The following OR9I1 variants were observed in gnomAD, a reference collection of about 807,000 sequenced individuals.
The protein encoded by OR9I1 is olfactory receptor family 9 subfamily I member 1.
OR9I1 carries 7 observed loss-of-function variants against 11.2 expected under a neutral mutation model. The observed-to-expected ratio is 0.62, with a 90% CI of 0.36 to 1.17. The LOEUF is 1.17. Among genes scored for constraint, OR9I1 ranks in the 50% most tolerant of loss-of-function variants. OR9I1 has a pLI of 0.02. For synonymous variants in OR9I1, 165 were observed against 153.4 expected, an observed-to-expected ratio of 1.08 and a Z score of -0.56; for missense variants, 428 against 377.2, an observed-to-expected ratio of 1.13 and a Z score of -1.12.
At chr11:58,123,216 T>C (rs1854053205) in intron 2 of OR9I1, among the ~76,000 whole-genome samples, 1 of 152,218 alleles carries the variant, frequency 6.6e-6, no homozygotes. Context: ...CTTTCAGCTA[T>C]AAATTTGTTT....
At chr11:58,119,719 G>T (rs1565081803) in intron 2 of OR9I1, among the ~76,000 whole-genome samples, 1 of 152,112 alleles carries the variant, frequency 6.6e-6, no homozygotes, top group African/African-American at 2.4e-5. Flanking sequence ...CAATTCTTAG[G>T]TTTGGAAGAG....
At chr11:58,119,505 A>G (rs1483315663) in intron 2 of OR9I1, 39 bp from the exon 3 acceptor site, 4 of 1,136,728 alleles carry the variant, frequency 3.5e-6, no homozygotes, top group South Asian at 1.5e-5. Flanking sequence ...CTCAGAATTG[A>G]AGGACAGAAT....
At chr11:58,120,803 C>CATATAT (rs61634454) in intron 2 of OR9I1, among the ~76,000 whole-genome samples, 5,571 of 132,482 alleles carry the variant, frequency 0.042, 214 homozygotes, top group East Asian at 0.089. Flanking sequence ...ATTTCAATAC[C>CATATAT]ATATATATAT....
rs1299582891 is a variant in OR9I1 at position 58,120,585 on chromosome 11, A to G, written c.-22-1119T>C. Among the ~76,000 whole-genome samples, 17 of 151,994 alleles carry G rather than the reference A, an allele frequency of 1.1e-4. No individual in the cohort carries two copies. The East Asian group carries it at 3.3e-3, about 29-fold the overall frequency. Reference sequence around the variant, plus strand: ...GCAGTATACACTGAACTCAATTTGTAGCCTTTTAAGTATTAATAAGTTAAT... The same window carrying G: ...GCAGTATACACTGAACTCAATTTGTGGCCTTTTAAGTATTAATAAGTTAAT... On this transcript the variant is annotated intron_variant, in intron 2 of 2. Transcript: ENST00000641439.
In OR9I1 at chr11:58,119,006, CT is replaced by C. The variant is rs771314912; in HGVS notation, c.438del (p.Gly147GlufsTer28). ...CCTGACACCCCACAGACATAGGCTCCTACCACCAGGCTCCAGCAGAGCCTGG... is the reference window on the plus strand; with the variant it reads ...CCTGACACCCCACAGACATAGGCTCCACCACCAGGCTCCAGCAGAGCCTGG... ...MNPRLCWSLVVGAYVCGVSGA... is the reference protein window; with the variant it reads ...MNPRLCWSLVXGAYVCGVSGA... On this transcript the variant is annotated frameshift_variant, in exon 3 of 3. Transcript: ENST00000641439. LOFTEE classifies it high-confidence loss of function. 2.3e-4 allele frequency: 370 copies of C among 1,613,814 alleles called. No individual in the cohort carries two copies. The highest frequency in any genetic ancestry group is 3.0e-4 in the Non-Finnish European group (351 of 1,179,990).
Position 58,118,446 on chromosome 11 carries a change from A to T in OR9I1, c.*54T>A. On this transcript the variant is annotated 3_prime_UTR_variant, in exon 3 of 3. Coordinates refer to ENST00000641439, the MANE Select transcript of OR9I1 (RefSeq NM_001005211.2). ...GCATATAGTAATGGTGCCTATTAGG[A>T]TATATTCATATGGGAAGAAAGTGGA... 8.5e-7 allele frequency: 1 copy of T among 1,172,670 alleles called. No homozygotes were observed. The highest frequency in any genetic ancestry group is 1.2e-6 in the Non-Finnish European group (1 of 821,112). The allele number at this position is 1,172,670 out of a possible 1,614,324, so 72.6% of individuals were successfully genotyped here. A position where few individuals can be genotyped will look rare whatever the true frequency, so the allele number is the denominator to read the frequency against.
At position 58,117,028 on chromosome 11, in the gene OR9I1, A is replaced by G. The variant is rs1853962128; in HGVS notation, c.*1472T>C. On this transcript the variant is annotated 3_prime_UTR_variant, in exon 3 of 3. Transcript: ENST00000641439. ...TTGAGTTATACATCTTCCTCAGTTC[A>G]TTGCTTTCATTGACTTTTATCATCA... 6.6e-6 allele frequency: 1 copy of G among 152,078 alleles called. No homozygotes were observed. The highest frequency in any genetic ancestry group is 2.4e-5 in the African/African-American group (1 of 41,388). The allele number at this position is 152,078 out of a possible 1,614,324, so 9.4% of individuals were successfully genotyped here. A position where few individuals can be genotyped will look rare whatever the true frequency, so the allele number is the denominator to read the frequency against.
At chr11:58,123,302 T>A (rs1854054472) in intron 2 of OR9I1, among the ~76,000 whole-genome samples, 1 of 152,198 alleles carries the variant, frequency 6.6e-6, no homozygotes, top group South Asian at 2.1e-4. Context: ...AATCAGAGCT[T>A]TTTTACCTTC....
intron 2 of OR9I1, among the ~76,000 whole-genome samples, chr11:58,123,335 A>G (rs902701006): frequency 1.3e-5 from 2 of 152,174 alleles, no homozygotes; most frequent in African/African-American, 4.8e-5. Flanking sequence ...AACTTGGTTA[A>G]TTTCAACACC....
rs1323547573 is a variant in OR9I1 at position 58,125,332 on chromosome 11, A to G, written c.-283T>C. The G allele has an allele frequency of 6.8e-6, 1 of 148,008 alleles. No homozygotes were observed. The highest frequency in any genetic ancestry group is 1.5e-5 in the Non-Finnish European group (1 of 67,510). The allele number at this position is 148,008 out of a possible 1,614,324, so 9.2% of individuals were successfully genotyped here. On this transcript the variant is annotated 5_prime_UTR_variant, in exon 1 of 3. Coordinates refer to ENST00000641439, the MANE Select transcript of OR9I1 (RefSeq NM_001005211.2). ...CTGGTCATGGTCCTATCAGATGACA[A>G]CTTCTGATGACAAAGGCAAGATTCT...
intron 2 of OR9I1, among the ~76,000 whole-genome samples, chr11:58,122,372 C>T (rs188089482): frequency 1.3e-5 from 2 of 152,328 alleles, no homozygotes; most frequent in East Asian, 1.9e-4. Flanking sequence ...GTGGTTGTCA[C>T]CTCTATGACA....
In OR9I1 at chr11:58,118,793, A is replaced by G. The variant is rs906173492; in HGVS notation, c.652T>C (p.Tyr218His). The change falls in exon 3 of 3, where the codon TAT (tyrosine) becomes CAT (histidine). Residue 218 changes from tyrosine (Y) to histidine (H), a missense_variant. Tyr to His is a moderately conservative substitution (Grantham distance 83). Transcript: ENST00000641439. The part of the protein sequence containing the change: ...LANASVILIS[Y>H]LLIIKTILKV... ...AAAATGGTCTTGATGATGAGCAGAT[A>G]GGAAATCAGGATGACGGAGGCATTG... 5.6e-6 allele frequency: 9 copies of G among 1,614,000 alleles called. No homozygotes were observed. In the Admixed American group the frequency reaches 1.0e-4, roughly 18 times the overall value.
At chr11:58,124,072 C>T (rs1270817749) in intron 2 of OR9I1, among the ~76,000 whole-genome samples, 1 of 152,080 alleles carries the variant, frequency 6.6e-6, no homozygotes, top group Non-Finnish European at 1.5e-5. Context: ...TTCAGACAGG[C>T]AATTTCCAAA....
Position 58,124,434 on chromosome 11 carries a change from T to G in OR9I1, c.-23+4A>C, listed in dbSNP as rs572387872. 11 of 152,336 alleles carry G rather than the reference T, an allele frequency of 7.2e-5. No homozygotes were observed. In the South Asian group the frequency reaches 2.3e-3, roughly 32 times the overall value. 9.4% of individuals were successfully genotyped at this position (152,336 alleles called of 1,614,324 possible). ...AAGAGATGGTCCCTAACACTTGTAC[T>G]TACTTTAACTTGGGATGTTCTCCAT... On this transcript the variant is annotated splice_donor_region_variant and intron_variant, in intron 2 of 2. Transcript: ENST00000641439.
intron 2 of OR9I1, among the ~76,000 whole-genome samples, chr11:58,122,759 C>G (rs574038112): frequency 3.0e-4 from 46 of 152,034 alleles, no homozygotes; most frequent in African/African-American, 8.7e-4. Flanking sequence ...TCCCCTGTTC[C>G]TCTTAAGTGT....
Position 58,119,844 on chromosome 11 carries a change from T to C in OR9I1, c.-22-378A>G, listed in dbSNP as rs150567507. Among the ~76,000 whole-genome samples the C allele has an allele frequency of 8.5e-4, 130 of 152,258 alleles. 1 individual carries two copies. The highest frequency in any genetic ancestry group is 3.0e-3 in the African/African-American group (123 of 41,556). On this transcript the variant is annotated intron_variant, in intron 2 of 2. Transcript: ENST00000641439. The stretch of plus-strand genomic sequence containing the variant: ...CTCCATCTGCAAACAGTTCCACCTG[T>C]TGATTCTCTTTTTGGACCTAGGGTT...
chr11:58,120,161 G>T (rs1854014159), intron 2 of OR9I1, among the ~76,000 whole-genome samples: 2 of 151,968 alleles, frequency 1.3e-5, no homozygotes, highest in African/African-American at 4.8e-5. Context: ...TCAACATATT[G>T]CATTTTATAT....
intron 2 of OR9I1, among the ~76,000 whole-genome samples, chr11:58,122,860 T>C (rs200551957): frequency 1.3e-5 from 2 of 152,170 alleles, no homozygotes; most frequent in Non-Finnish European, 2.9e-5. Flanking sequence ...ATAGTGGCTG[T>C]GGTGTGTTTT....
intron 2 of OR9I1, among the ~76,000 whole-genome samples, chr11:58,120,918 T>C (rs1035496591): frequency 6.6e-6 from 1 of 151,314 alleles, no homozygotes; most frequent in Non-Finnish European, 1.5e-5. Flanking sequence ...TCTTCTCCCT[T>C]CCACCCCCTT....
Sources: allele counts gnomAD v4.1 joint callset (sites outside exome capture counted in the v4.1 genomes callset), GRCh38; gene constraint gnomAD v4.1.1; transcripts MANE v1.5; gene names NCBI Gene and HGNC (gene_info 2026-07-23, HGNC 2026-07-21).